ACVR1: variants seen among roughly 807,000 people sequenced by gnomAD.
ACVR1 encodes activin A receptor type 1, also known as activin receptor type-1.
In ACVR1, 38 loss-of-function variants were observed where a neutral mutation model predicts 57.1. The ratio of observed to expected loss-of-function variants is 0.67; its 90% CI spans 0.51 to 0.87. ACVR1 has a LOEUF of 0.87. Ranked by LOEUF, ACVR1 falls within the 40% of genes least tolerant of loss-of-function variation. The probability of loss-of-function intolerance (pLI) is 0.00; values close to 1 mark genes in which losing one functional copy is unlikely to be tolerated. For synonymous variants in ACVR1, 212 were observed against 228.1 expected (o/e 0.93, Z 0.63); for missense variants, 463 against 638.2 (o/e 0.73, Z 2.96).
At chr2:157,739,832 C>T (rs1475217538) in intron 9 of ACVR1, among the ~76,000 whole-genome samples, 1 of 152,108 alleles carries the variant, frequency 6.6e-6, no homozygotes, top group African/African-American at 2.4e-5. Context: ...TTTAAAACTT[C>T]ACAAATTTGG....
intron 1 of ACVR1, among the ~76,000 whole-genome samples, chr2:157,818,885 C>T (rs961186342): frequency 5.3e-5 from 8 of 151,418 alleles, no homozygotes; most frequent in East Asian, 1.9e-4. Flanking sequence ...GAGACCATCC[C>T]GGCTAAAACG....
At position 157,787,032 on chromosome 2, in the gene ACVR1, G is replaced by GA. The variant is rs954203460; in HGVS notation, c.68-6433dup. Among the ~76,000 whole-genome samples, 124 of 143,358 alleles carry GA rather than the reference G, an allele frequency of 8.6e-4. 1 individual carries two copies. Among genetic ancestry groups the GA allele is most frequent in the South Asian group, 1.5e-3 (7 of 4,552 alleles). The allele number at this position is 143,358 out of a possible 152,430, so 94.0% of individuals were successfully genotyped here. A position where few individuals can be genotyped will look rare whatever the true frequency, so the allele number is the denominator to read the frequency against. On this transcript the variant is annotated intron_variant, in intron 3 of 10. Coordinates refer to ENST00000434821, the MANE Select transcript of ACVR1 (RefSeq NM_001111067.4). ...CCTGCACTTGAACTGCTGAAGCTGA[G>GA]AAAAAAAAAAAAGTGCCATCTGTTT...
At chr2:157,808,995 T>C (rs776556282) in intron 2 of ACVR1, among the ~76,000 whole-genome samples, 5 of 152,184 alleles carry the variant, frequency 3.3e-5, no homozygotes, top group Non-Finnish European at 7.3e-5. Context: ...GCAAGAACCC[T>C]GGTCTTTACA....
Position 157,738,674 on chromosome 2 carries a change from C to G in ACVR1, c.1265-104G>C. 3 of 1,555,104 alleles carry G rather than the reference C, an allele frequency of 1.9e-6. No individual in the cohort carries two copies. The South Asian group carries it at 3.4e-5, about 17-fold the overall frequency. ...GGTTATAATGTGACAGAAGAAAATA[C>G]TAATCACCTTCCTCATACCTCAGGG... On this transcript the variant is annotated intron_variant, in intron 9 of 10. Transcript: ENST00000434821.
intron 1 of ACVR1, among the ~76,000 whole-genome samples, chr2:157,842,924 A>G (rs1271707192): frequency 6.6e-6 from 1 of 152,202 alleles, no homozygotes; most frequent in Non-Finnish European, 1.5e-5. Flanking sequence ...TACAAAGAAC[A>G]GTGTATTTAA....
chr2:157,792,083 G>A (rs1473776392), intron 3 of ACVR1, among the ~76,000 whole-genome samples: 7 of 151,582 alleles, frequency 4.6e-5, no homozygotes, highest in Non-Finnish European at 2.9e-5. Flanking sequence ...TAAAACGAAG[G>A]AGTCATCCCC....
chr2:157,862,418 CACAT>C (rs1558853572), intron 1 of ACVR1, among the ~76,000 whole-genome samples: 1 of 74,120 alleles, frequency 1.3e-5, no homozygotes, highest in Admixed American at 2.0e-4. Context: ...TAAACATATA[CACAT>C]ACACACACAC....
At chr2:157,769,219 A>T (rs1685988049) in intron 7 of ACVR1, among the ~76,000 whole-genome samples, 1 of 152,234 alleles carries the variant, frequency 6.6e-6, no homozygotes, top group African/African-American at 2.4e-5. Context: ...CTTGTAAAGG[A>T]TGGTTAAGTG....
At chr2:157,813,054 T>C (rs901866580) in intron 2 of ACVR1, among the ~76,000 whole-genome samples, 5 of 152,038 alleles carry the variant, frequency 3.3e-5, no homozygotes, top group Admixed American at 6.6e-5. Context: ...AAATAATAGG[T>C]TTTCTTCATG....
rs187910099 is a variant in ACVR1, at chr2:157,853,681, T to C, written c.-183+22115A>G. Among the ~76,000 whole-genome samples, 343 of 152,312 alleles carry C rather than the reference T, an allele frequency of 2.3e-3. 1 individual carries two copies. The highest frequency in any genetic ancestry group is 6.8e-3 in the Middle Eastern group (2 of 294). On this transcript the variant is annotated intron_variant, in intron 1 of 10. Coordinates refer to ENST00000434821, the MANE Select transcript of ACVR1 (RefSeq NM_001111067.4). ...ATTTCAGGATAAGACCTGAATTGTT[T>C]AGGAAGCAATAAGTAGTCTTCATGA...
chr2:157,808,889 A>AC (rs1463128119), intron 2 of ACVR1, among the ~76,000 whole-genome samples: 1 of 151,758 alleles, frequency 6.6e-6, no homozygotes, highest in Non-Finnish European at 1.5e-5. Flanking sequence ...TAAAAAAAAA[A>AC]AAAAAAACAG....
chr2:157,766,008 G>A lies in ACVR1; in HGVS notation c.979C>T (p.Gln327Ter). Residue 327 changes from glutamine (Q) to a stop codon, truncating the protein, a stop_gained, in exon 8 of 11, where the codon CAA becomes TAA. Coordinates refer to ENST00000434821, the MANE Select transcript of ACVR1 (RefSeq NM_001111067.4). LOFTEE classifies it high-confidence loss of function. ...CGATGGGCAATGGCTGGTTTCCCTT[G>A]GGTCCCAAATATCTCTATGTGCAAA... ...AHLHIEIFGT[Q>*]GKPAIAHRDL... is the part of the protein sequence containing the mutation. 1 of 1,614,066 alleles carries A rather than the reference G, an allele frequency of 6.2e-7. No homozygotes were observed. Among genetic ancestry groups the A allele is most frequent in the Non-Finnish European group, 8.5e-7 (1 of 1,179,968 alleles).
At chr2:157,808,677 T>C (rs1366937301) in intron 2 of ACVR1, among the ~76,000 whole-genome samples, 1 of 152,150 alleles carries the variant, frequency 6.6e-6, no homozygotes, top group Non-Finnish European at 1.5e-5. Flanking sequence ...GTCTGTCTCT[T>C]GAATATACAT....
At chr2:157,785,162 CA>C (rs1208638434) in intron 3 of ACVR1, among the ~76,000 whole-genome samples, 5 of 152,160 alleles carry the variant, frequency 3.3e-5, no homozygotes, top group Non-Finnish European at 7.3e-5. Context: ...TAGAGGGCAG[CA>C]AAAGGAACAG....
chr2:157,814,201 T>C (rs1322980813), intron 2 of ACVR1, among the ~76,000 whole-genome samples: 4 of 152,170 alleles, frequency 2.6e-5, no homozygotes, highest in African/African-American at 9.7e-5. Flanking sequence ...TCTATACAAA[T>C]GGCCAACGGA....
At chr2:157,749,492 C>A (rs1483676746) in intron 9 of ACVR1, among the ~76,000 whole-genome samples, 1 of 152,176 alleles carries the variant, frequency 6.6e-6, no homozygotes, top group Non-Finnish European at 1.5e-5. Flanking sequence ...TGAGACTTTT[C>A]TCAACAATCC....
At position 157,870,894 on chromosome 2, in the gene ACVR1, C is replaced by T. The variant is rs144148460; in HGVS notation, c.-183+4902G>A. On this transcript the variant is annotated intron_variant, in intron 1 of 10. Coordinates refer to ENST00000434821, the MANE Select transcript of ACVR1 (RefSeq NM_001111067.4). ...TCCCCACTTTCCAAACTCATCCTTA[C>T]GGACCACAGTGACTGGTATCATCTT... 1.7e-3 allele frequency among the ~76,000 whole-genome samples: 252 copies of T among 152,314 alleles called. 2 individuals are homozygous for T. The highest frequency in any genetic ancestry group is 5.4e-3 in the African/African-American group (223 of 41,586).
At chr2:157,754,767 G>GT (rs1461752395) in intron 9 of ACVR1, among the ~76,000 whole-genome samples, 1 of 152,090 alleles carries the variant, frequency 6.6e-6, no homozygotes, top group African/African-American at 2.4e-5. Flanking sequence ...TATAAAGCCA[G>GT]TATCACCCTA....
At chr2:157,752,132 T>C (rs1394415444) in intron 9 of ACVR1, among the ~76,000 whole-genome samples, 4 of 152,164 alleles carry the variant, frequency 2.6e-5, no homozygotes, top group Non-Finnish European at 4.4e-5. Context: ...ATCACAGGAC[T>C]CTGTGCAGAC....
Sources: gnomAD v4.1 joint callset for allele counts (sites outside exome capture counted in the v4.1 genomes callset) on GRCh38, gnomAD v4.1.1 for gene constraint, MANE v1.5 for transcripts, NCBI Gene and HGNC (gene_info 2026-07-23, HGNC 2026-07-21) for gene names.